BNIP3L: variants seen among roughly 807,000 people sequenced by gnomAD.
BNIP3L encodes the protein BCL2/adenovirus E1B 19 kDa protein-interacting protein 3-like.
A neutral mutation model predicts 25.5 loss-of-function variants in BNIP3L; 10 were observed. The observed-to-expected ratio is 0.39, with a 90% CI of 0.24 to 0.67. BNIP3L has a LOEUF of 0.67. Ranked by LOEUF, BNIP3L falls within the 30% of genes least tolerant of loss-of-function variation. The probability of loss-of-function intolerance (pLI) is 0.45; values close to 1 mark genes in which losing one functional copy is unlikely to be tolerated. For synonymous variants in BNIP3L, 113 were observed against 101.2 expected (o/e 1.12, Z -0.70); for missense variants, 215 against 270.9 (o/e 0.79, Z 1.45).
chr8:26,391,264 T>C lies in BNIP3L; in HGVS notation c.122T>C (p.Met41Thr), dbSNP rs776414316. The change falls in exon 2 of 6, where the codon ATG becomes ACG. Residue 41 changes from methionine to threonine, a missense_variant. Around this residue, in one of 4 missense-constraint regions of BNIP3L, gnomAD observed 69 missense variants for 53.6 expected, o/e 1.29. Transcript: ENST00000380629. ...ACAGGTTCCTGGGTGGAGCTACCCA[T>C]GAACAGCAGCAATGGCAATGATAAT... ...GLNSSWVELPMNSSNGNDNGN... is the reference protein window; with the variant it reads ...GLNSSWVELPTNSSNGNDNGN... 6.2e-7 allele frequency: 1 copy of C among 1,609,540 alleles called. No individual in the cohort carries two copies. Among genetic ancestry groups the C allele is most frequent in the Non-Finnish European group, 8.5e-7 (1 of 1,177,964 alleles).
At chr8:26,388,299 A>G (rs949719079) in intron 1 of BNIP3L, among the ~76,000 whole-genome samples, 8 of 152,314 alleles carry the variant, frequency 5.3e-5, no homozygotes, top group Middle Eastern at 3.4e-3. Flanking sequence ...TCTGCGTGCT[A>G]TATTCATTTA....
chr8:26,388,490 G>A (rs1460977576), intron 1 of BNIP3L, among the ~76,000 whole-genome samples: 1 of 152,118 alleles, frequency 6.6e-6, no homozygotes, highest in Non-Finnish European at 1.5e-5. Flanking sequence ...AGTACAAATT[G>A]TCCGCCTTAA....
chr8:26,395,109 T>C, intron 2 of BNIP3L, 121 bp from the exon 3 acceptor site: 4 of 910,598 alleles, frequency 4.4e-6, no homozygotes, highest in East Asian at 2.7e-5. Context: ...TATGATATAT[T>C]CTCTGATTTG....
intron 1 of BNIP3L, among the ~76,000 whole-genome samples, chr8:26,390,766 C>T (rs1563338239): frequency 1.3e-5 from 2 of 152,180 alleles, no homozygotes; most frequent in South Asian, 2.1e-4. Flanking sequence ...TAGTTGCTAA[C>T]TTACTTAGAT....
chr8:26,408,611 C>T (rs971389559), intron 5 of BNIP3L, among the ~76,000 whole-genome samples: 3 of 152,120 alleles, frequency 2.0e-5, no homozygotes, highest in African/African-American at 7.2e-5. Context: ...GTGGCTCATG[C>T]CAGTAATCCC....
intron 1 of BNIP3L, 194 bp downstream of exon 1, chr8:26,383,424 C>G (rs556357878): frequency 1.4e-6 from 2 of 1,414,628 alleles, no homozygotes; most frequent in African/African-American, 2.9e-5. Context: ...TCTCTGTTGC[C>G]TCCTGGGGTC....
chr8:26,403,973 G>T (rs998336354), intron 3 of BNIP3L, among the ~76,000 whole-genome samples: 2 of 152,308 alleles, frequency 1.3e-5, no homozygotes, highest in Non-Finnish European at 2.9e-5. Context: ...TTCAAAGCAG[G>T]TCTGAGTCTG....
chr8:26,386,406 T>A (rs1805993292), intron 1 of BNIP3L, among the ~76,000 whole-genome samples: 1 of 152,144 alleles, frequency 6.6e-6, no homozygotes, highest in African/African-American at 2.4e-5. Context: ...GTATAGCCTT[T>A]TTTTTCTTTT....
chr8:26,395,395 G>A, intron 3 of BNIP3L, 93 bp downstream of exon 3: 1 of 1,320,694 alleles, frequency 7.6e-7, no homozygotes, highest in Admixed American at 2.0e-5. Context: ...AAGACTTTTA[G>A]GAATAGTTTG....
At chr8:26,383,788 T>C (rs1805916949) in intron 1 of BNIP3L, among the ~76,000 whole-genome samples, 1 of 152,096 alleles carries the variant, frequency 6.6e-6, no homozygotes. Context: ...GGAAAATTCA[T>C]TTGCTCGTCT....
rs140495457 is a variant in BNIP3L at position 26,391,709 on chromosome 8, A to G, written c.284+283A>G. Among the ~76,000 whole-genome samples, 105 of 152,328 alleles carry G rather than the reference A, an allele frequency of 6.9e-4. 1 individual carries two copies. The highest frequency in any genetic ancestry group is 2.6e-3 in the Admixed American group (40 of 15,302). On this transcript the variant is annotated intron_variant, in intron 2 of 5. Coordinates refer to ENST00000380629, the MANE Select transcript of BNIP3L (RefSeq NM_004331.3). The stretch of plus-strand genomic sequence containing the variant: ...TTTAAAATTCAGTGGCATAAATGCT[A>G]ATTTATAGAATTAATCTGACTTTCC...
At chr8:26,386,206 G>T (rs940313533) in intron 1 of BNIP3L, among the ~76,000 whole-genome samples, 2 of 152,128 alleles carry the variant, frequency 1.3e-5, no homozygotes, top group African/African-American at 4.8e-5. Flanking sequence ...TGGAGAGACT[G>T]TTCACTTTCA....
At chr8:26,407,094 C>T (rs1269957311) in intron 3 of BNIP3L, among the ~76,000 whole-genome samples, 2 of 151,918 alleles carry the variant, frequency 1.3e-5, no homozygotes, top group Non-Finnish European at 2.9e-5. Context: ...CAACCTCCAC[C>T]TCCCAGGCTC....
In BNIP3L at chr8:26,394,883, T is replaced by C. The variant is rs531911341; in HGVS notation, c.285-347T>C. Reference sequence around the variant, plus strand: ...GAGGGAACTTTGAGAAAAAGAACTCTGAAGTTCCTGAATTTGAAGATTATT... The same window carrying C: ...GAGGGAACTTTGAGAAAAAGAACTCCGAAGTTCCTGAATTTGAAGATTATT... On this transcript the variant is annotated intron_variant, in intron 2 of 5. Coordinates refer to ENST00000380629, the MANE Select transcript of BNIP3L (RefSeq NM_004331.3). Among the ~76,000 whole-genome samples, 6 of 152,352 alleles carry C rather than the reference T, an allele frequency of 3.9e-5. 1 individual carries two copies. In the South Asian group the frequency reaches 1.2e-3, roughly 32 times the overall value.
intron 5 of BNIP3L, among the ~76,000 whole-genome samples, chr8:26,408,842 A>T (rs1203535657): frequency 1.4e-5 from 2 of 147,912 alleles, no homozygotes; most frequent in African/African-American, 5.0e-5. Flanking sequence ...ACTGCACTCC[A>T]GCCTGGGGGA....
chr8:26,391,450 G>T, intron 2 of BNIP3L, 24 bp downstream of exon 2: 1 of 1,493,468 alleles, frequency 6.7e-7, no homozygotes, highest in Non-Finnish European at 9.0e-7. Flanking sequence ...ATGTTTTGGT[G>T]GAATTCAGGA....
chr8:26,391,928 AG>A (rs1247980662), intron 2 of BNIP3L, among the ~76,000 whole-genome samples: 1 of 152,256 alleles, frequency 6.6e-6, no homozygotes, highest in Admixed American at 6.5e-5. Context: ...TAGGAACTGC[AG>A]GTTGCTTCAC....
chr8:26,402,245 A>G (rs556469495), intron 3 of BNIP3L, among the ~76,000 whole-genome samples: 5 of 152,362 alleles, frequency 3.3e-5, no homozygotes, highest in Admixed American at 3.3e-4. Context: ...TATACTGTAG[A>G]GAAGCTCACA....
chr8:26,390,263 G>A (rs1806074569), intron 1 of BNIP3L: 1 of 846,270 alleles, frequency 1.2e-6, no homozygotes, highest in Non-Finnish European at 1.4e-6. Flanking sequence ...CTCAACTCTT[G>A]TTAAAATTAA....
Sources: gnomAD v4.1 joint callset for allele counts (sites outside exome capture counted in the v4.1 genomes callset) on GRCh38, gnomAD v4.1.1 for gene constraint, gnomAD v4.1.1 regional missense constraint, MANE v1.5 for transcripts, NCBI Gene and HGNC (gene_info 2026-07-23, HGNC 2026-07-21) for gene names.